SPATA6: variants seen among roughly 807,000 people sequenced by gnomAD.
SPATA6 encodes the protein spermatogenesis associated 6.
In SPATA6, 56 loss-of-function variants were observed where a neutral mutation model predicts 65.3. The ratio of observed to expected loss-of-function variants is 0.86; its 90% CI spans 0.69 to 1.07. SPATA6 has a LOEUF of 1.07. SPATA6 is among the 50% of genes least tolerant of loss of function. The pLI, the probability that SPATA6 is intolerant of heterozygous loss-of-function variation, is 0.00. For synonymous variants in SPATA6, 199 were observed against 213.2 expected, an observed-to-expected ratio of 0.93 and a Z score of 0.58; for missense variants, 590 against 594.8, an observed-to-expected ratio of 0.99 and a Z score of 0.08.
At chr1:48,361,483 G>A (rs1053887433) in intron 9 of SPATA6, among the ~76,000 whole-genome samples, 2 of 152,112 alleles carry the variant, frequency 1.3e-5, no homozygotes, top group African/African-American at 2.4e-5. Flanking sequence ...TTGAATTCAA[G>A]AGAGAATAAG....
intron 11 of SPATA6, among the ~76,000 whole-genome samples, chr1:48,329,148 G>A (rs776114856): frequency 7.9e-5 from 12 of 152,042 alleles, no homozygotes; most frequent in Admixed American, 4.6e-4. Flanking sequence ...AGAGAATAAC[G>A]AACTAAGAGA....
At chr1:48,344,566 AT>A (rs1646309762) in intron 11 of SPATA6, among the ~76,000 whole-genome samples, 1 of 152,156 alleles carries the variant, frequency 6.6e-6, no homozygotes, top group South Asian at 2.1e-4. Flanking sequence ...AAGTGCCCCG[AT>A]TAAAAGACAG....
chr1:48,462,439 A>G (rs554752465), intron 1 of SPATA6, among the ~76,000 whole-genome samples: 1 of 152,332 alleles, frequency 6.6e-6, no homozygotes, highest in Admixed American at 6.5e-5. Context: ...ACCCAGTGCA[A>G]AACAGAATAA....
chr1:48,371,375 C>A (rs951066858), intron 9 of SPATA6, among the ~76,000 whole-genome samples: 3 of 151,988 alleles, frequency 2.0e-5, no homozygotes, highest in Non-Finnish European at 4.4e-5. Context: ...GCTAACAAAA[C>A]CTTACTGCAA....
At chr1:48,400,118 A>G (rs954550156) in intron 6 of SPATA6, among the ~76,000 whole-genome samples, 2 of 151,908 alleles carry the variant, frequency 1.3e-5, no homozygotes, top group African/African-American at 4.8e-5. Flanking sequence ...CCCTTCTGCT[A>G]TAATTATATA....
intron 9 of SPATA6, among the ~76,000 whole-genome samples, chr1:48,361,758 C>T (rs1646819969): frequency 6.6e-6 from 1 of 152,082 alleles, no homozygotes; most frequent in African/African-American, 2.4e-5. Context: ...TAGGTGTATA[C>T]ATTAGTTGCC....
intron 8 of SPATA6, among the ~76,000 whole-genome samples, chr1:48,387,062 CATGGCAGAAGGCAAGGAAGAGCAA>C (rs1211010191): frequency 6.6e-6 from 1 of 152,194 alleles, no homozygotes; most frequent in East Asian, 1.9e-4. Context: ...GCCTCACAAT[CATGGCAGAAGGCAAGGAAGAGCAA>C]GTCACGTCTT....
At chr1:48,401,456 T>A (rs895737695) in intron 6 of SPATA6, among the ~76,000 whole-genome samples, 5 of 152,118 alleles carry the variant, frequency 3.3e-5, no homozygotes, top group African/African-American at 4.8e-5. Context: ...AGTAAAACTT[T>A]TAAAAAGTGA....
chr1:48,309,434 T>G (rs1265963782), intron 11 of SPATA6, among the ~76,000 whole-genome samples: 1 of 152,176 alleles, frequency 6.6e-6, no homozygotes, highest in East Asian at 1.9e-4. Context: ...TCAAAAAATT[T>G]TCATTTCTGA....
rs552286734 is a variant in SPATA6 at position 48,297,962 on chromosome 1, A to C, written c.*751T>G. 3.9e-5 allele frequency: 6 copies of C among 152,300 alleles called. No homozygotes were observed. In the South Asian group the frequency reaches 1.2e-3, roughly 32 times the overall value. The allele number at this position is 152,300 out of a possible 1,614,324, so 9.4% of individuals were successfully genotyped here. A position where few individuals can be genotyped will look rare whatever the true frequency, so the allele number is the denominator to read the frequency against. ...TTTAGGTTTCTATAAGCTTACTAAC[A>C]GAGGCCATTTTCTGATTCTGGTTGC... On this transcript the variant is annotated 3_prime_UTR_variant, in exon 13 of 13. Coordinates refer to ENST00000371847, the MANE Select transcript of SPATA6 (RefSeq NM_019073.4).
chr1:48,329,043 G>A (rs1201154486), intron 11 of SPATA6, among the ~76,000 whole-genome samples: 1 of 152,126 alleles, frequency 6.6e-6, no homozygotes, highest in African/African-American at 2.4e-5. Context: ...CTGACTATAT[G>A]CCAGGTCTTG....
At chr1:48,307,759 T>C (rs1454023804) in intron 11 of SPATA6, among the ~76,000 whole-genome samples, 1 of 151,850 alleles carries the variant, frequency 6.6e-6, no homozygotes, top group Non-Finnish European at 1.5e-5. Flanking sequence ...CCTTATATTT[T>C]TGGGATCTCT....
chr1:48,377,849 G>T (rs1478626795), intron 9 of SPATA6, among the ~76,000 whole-genome samples: 2 of 152,148 alleles, frequency 1.3e-5, no homozygotes, highest in African/African-American at 4.8e-5. Flanking sequence ...TTGTTGCTAA[G>T]AAGCAACCTT....
At chr1:48,417,965 C>T (rs115118049) in intron 3 of SPATA6, among the ~76,000 whole-genome samples, 337 of 152,216 alleles carry the variant, frequency 2.2e-3, no homozygotes, top group African/African-American at 7.7e-3. Context: ...TCCTCAAAGC[C>T]AGGACACCTA....
At position 48,419,367 on chromosome 1, in the gene SPATA6, A is replaced by G. The variant is rs536892114; in HGVS notation, c.239-6216T>C. ...ATTTACAAAATATACGTGGTATTTGAATGAGGAGTAGAATAAAGAAATAAG... is the reference window on the plus strand; with the variant it reads ...ATTTACAAAATATACGTGGTATTTGGATGAGGAGTAGAATAAAGAAATAAG... On this transcript the variant is annotated intron_variant, in intron 3 of 12. Transcript: ENST00000371847. Among the ~76,000 whole-genome samples the G allele has an allele frequency of 4.6e-5, 7 of 152,320 alleles. No homozygotes were observed. In the South Asian group the frequency reaches 1.2e-3, roughly 27 times the overall value.
At chr1:48,413,545 A>C (rs1373859475) in intron 3 of SPATA6, among the ~76,000 whole-genome samples, 1 of 146,400 alleles carries the variant, frequency 6.8e-6, no homozygotes, top group Non-Finnish European at 1.5e-5. Flanking sequence ...CTTGTGATCC[A>C]CCCACCTCGG....
At chr1:48,346,474 G>C (rs1177991259) in intron 11 of SPATA6, among the ~76,000 whole-genome samples, 2 of 152,046 alleles carry the variant, frequency 1.3e-5, no homozygotes, top group Non-Finnish European at 2.9e-5. Context: ...ATCCTGGACG[G>C]AGCAATCAGA....
chr1:48,368,562 T>C (rs1027191409), intron 9 of SPATA6, among the ~76,000 whole-genome samples: 2 of 152,242 alleles, frequency 1.3e-5, no homozygotes, highest in Non-Finnish European at 2.9e-5. Context: ...CCATCACTGA[T>C]ACCCTTTCTT....
At chr1:48,325,651 C>T in intron 11 of SPATA6, 1 of 648,940 alleles carries the variant, frequency 1.5e-6, no homozygotes, top group Non-Finnish European at 2.9e-6. Context: ...TAGTTTCCTC[C>T]TCTGGAAGCC....
Sources: gnomAD v4.1 joint callset for allele counts (sites outside exome capture counted in the v4.1 genomes callset) on GRCh38, gnomAD v4.1.1 for gene constraint, MANE v1.5 for transcripts, NCBI Gene and HGNC (gene_info 2026-07-23, HGNC 2026-07-21) for gene names.